The following EFHD2 variants were observed in gnomAD, a reference collection of about 807,000 sequenced individuals.
The protein encoded by EFHD2 is EF-hand domain-containing protein D2.
EFHD2 carries 12 observed loss-of-function variants against 20.3 expected under a neutral mutation model. The ratio of observed to expected loss-of-function variants is 0.59; its 90% confidence interval spans 0.38 to 0.96. The LOEUF is 0.96. EFHD2 is among the 40% of genes least tolerant of loss of function. The pLI is 0.00. For missense variants in EFHD2, 250 were observed against 334.3 expected (o/e 0.75, Z 1.97); for synonymous variants, 131 against 143.9 (o/e 0.91, Z 0.64).
chr1:15,418,468 G>A (rs1490902845), intron 1 of EFHD2, among the ~76,000 whole-genome samples: 2 of 151,030 alleles, frequency 1.3e-5, no homozygotes, highest in Admixed American at 6.6e-5. Context: ...ATCACGCCCG[G>A]CTAATTTTTT....
chr1:15,428,438 A>G (rs1707909234), intron 3 of EFHD2, among the ~76,000 whole-genome samples, 155 bp from the exon 4 acceptor site: 1 of 152,238 alleles, frequency 6.6e-6, no homozygotes, highest in Admixed American at 6.5e-5. Flanking sequence ...CAGAGGTTGC[A>G]GTGAGCCAAG....
intron 1 of EFHD2, among the ~76,000 whole-genome samples, chr1:15,415,530 C>G (rs1258245854): frequency 6.6e-6 from 1 of 151,394 alleles, no homozygotes; most frequent in Non-Finnish European, 1.5e-5. Context: ...GCTCTGCCAC[C>G]AAGGCTGAAG....
In EFHD2 at chr1:15,410,043, C is replaced by T. The variant is rs1241848706; in HGVS notation, c.72C>T (p.Thr24=). The change falls in exon 1 of 4, where the codon ACC becomes ACT. Residue 24 remains threonine (T), a synonymous_variant. Coordinates refer to ENST00000375980, the MANE Select transcript of EFHD2 (RefSeq NM_024329.6). ...LQMEGEGGGE[T]PEQPGLNGAA... is the part of the protein sequence containing the mutation. ...TGGAGGGCGAGGGCGGCGGCGAGAC[C>T]CCGGAGCAGCCCGGGCTGAACGGGG... 1.4e-5 allele frequency: 18 copies of T among 1,301,396 alleles called. No individual in the cohort carries two copies. Among genetic ancestry groups the T allele is most frequent in the Non-Finnish European group, 1.7e-5 (17 of 1,027,880 alleles). 80.6% of individuals were successfully genotyped at this position (1,301,396 alleles called of 1,614,324 possible).
intron 1 of EFHD2, among the ~76,000 whole-genome samples, chr1:15,419,539 G>A (rs138819475): frequency 2.6e-5 from 4 of 152,356 alleles, no homozygotes; most frequent in South Asian, 2.1e-4. Flanking sequence ...GAGGGGCCAG[G>A]GAGGAGAAAA....
intron 1 of EFHD2, among the ~76,000 whole-genome samples, chr1:15,419,582 G>A (rs539352491): frequency 1.3e-5 from 2 of 152,226 alleles, no homozygotes; most frequent in African/African-American, 4.8e-5. Flanking sequence ...CAGTCTGCTG[G>A]CTGTGTGACC....
In EFHD2 at chr1:15,428,995, C is replaced by G. The variant is rs1245253644; in HGVS notation, c.*271C>G. 7 of 436,978 alleles carry G rather than the reference C, an allele frequency of 1.6e-5. No individual in the cohort carries two copies. The highest frequency in any genetic ancestry group is 3.0e-5 in the Non-Finnish European group (7 of 236,102). 27.1% of individuals were successfully genotyped at this position (436,978 alleles called of 1,614,324 possible). A position where few individuals can be genotyped will look rare whatever the true frequency, so the allele number is the denominator to read the frequency against. On this transcript the variant is annotated 3_prime_UTR_variant, in exon 4 of 4. Coordinates refer to ENST00000375980, the MANE Select transcript of EFHD2 (RefSeq NM_024329.6). ...TCCCTGGGCTCTCTTGCACCCCTAACTGCCCCCTGCCTGCTCCGGCACTGC... is the reference window on the plus strand; with the variant it reads ...TCCCTGGGCTCTCTTGCACCCCTAAGTGCCCCCTGCCTGCTCCGGCACTGC...
chr1:15,412,853 G>A (rs535846735), intron 1 of EFHD2, among the ~76,000 whole-genome samples: 1 of 152,300 alleles, frequency 6.6e-6, no homozygotes, highest in Non-Finnish European at 1.5e-5. Flanking sequence ...TACTCTGAGG[G>A]CGACTGAGGG....
At chr1:15,421,731 G>T (rs1038874539) in intron 1 of EFHD2, among the ~76,000 whole-genome samples, 1 of 152,196 alleles carries the variant, frequency 6.6e-6, no homozygotes, top group African/African-American at 2.4e-5. Context: ...TAAAGCTGGG[G>T]CTCAGGGAGA....
intron 1 of EFHD2, among the ~76,000 whole-genome samples, chr1:15,412,972 G>A (rs1290710809): frequency 6.6e-6 from 1 of 152,168 alleles, no homozygotes; most frequent in African/African-American, 2.4e-5. Context: ...AGGGAAGCAA[G>A]TGCTGCCTGC....
intron 1 of EFHD2, among the ~76,000 whole-genome samples, chr1:15,418,931 A>T (rs1209712978): frequency 6.6e-6 from 1 of 152,256 alleles, no homozygotes; most frequent in Non-Finnish European, 1.5e-5. Flanking sequence ...GTTCATGTTC[A>T]TGCCGCTTCA....
Position 15,426,524 on chromosome 1 carries a change from G to C in EFHD2, c.456+506G>C, listed in dbSNP as rs1231657202. The stretch of plus-strand genomic sequence containing the variant: ...CAGACAGCGATGATACTGGACCCCA[G>C]GAAGTACAGGGATGGACCCCAGGAA... On this transcript the variant is annotated intron_variant, in intron 2 of 3. Transcript: ENST00000375980. This position sits in a 1 kb window ranked among gnomAD's most constrained non-coding sequence, Gnocchi z 4.6. Among the ~76,000 whole-genome samples the C allele has an allele frequency of 6.6e-6, 1 of 152,116 alleles. No homozygotes were observed. The highest frequency in any genetic ancestry group is 1.5e-5 in the Non-Finnish European group (1 of 68,022).
At chr1:15,411,911 C>G (rs1707531791) in intron 1 of EFHD2, among the ~76,000 whole-genome samples, 1 of 152,188 alleles carries the variant, frequency 6.6e-6, no homozygotes. Flanking sequence ...CTCACCACAG[C>G]TTGCAGCAGC....
chr1:15,428,543 C>T (rs777314775), intron 3 of EFHD2, 50 bp from the exon 4 acceptor site: 16 of 1,583,084 alleles, frequency 1.0e-5, no homozygotes, highest in African/African-American at 6.8e-5. Context: ...ACAGAGAACC[C>T]CCAACATACA....
intron 1 of EFHD2, among the ~76,000 whole-genome samples, chr1:15,424,133 A>G (rs1707835715): frequency 6.6e-6 from 1 of 151,802 alleles, no homozygotes. Context: ...TAGAGGCTGC[A>G]GTAAGCTGTG....
At chr1:15,422,380 C>T (rs1045854616) in intron 1 of EFHD2, among the ~76,000 whole-genome samples, 2 of 151,948 alleles carry the variant, frequency 1.3e-5, no homozygotes, top group African/African-American at 2.4e-5. Context: ...CGTGAGCCAC[C>T]GTGCCCAGCT....
chr1:15,426,091 A>AC lies in EFHD2; in HGVS notation c.456+78dup. The AC allele has an allele frequency of 7.0e-7, 1 of 1,427,764 alleles. No individual in the cohort carries two copies. The highest frequency in any genetic ancestry group is 9.3e-7 in the Non-Finnish European group (1 of 1,075,848). 88.4% of individuals were successfully genotyped at this position (1,427,764 alleles called of 1,614,324 possible). On this transcript the variant is annotated intron_variant, in intron 2 of 3. Coordinates refer to ENST00000375980, the MANE Select transcript of EFHD2 (RefSeq NM_024329.6). The surrounding 1 kb of genome is among the most constrained non-coding windows in gnomAD (Gnocchi z 4.6). ...GGACCTGGTGGCCCGGGAGAGACCAACCCCCACCCTTTGTCAATGAATGAA... is the reference window on the plus strand; with the variant it reads ...GGACCTGGTGGCCCGGGAGAGACCAACCCCCCACCCTTTGTCAATGAATGAA...
intron 1 of EFHD2, among the ~76,000 whole-genome samples, chr1:15,411,728 A>G (rs1570759049): frequency 6.6e-6 from 1 of 152,178 alleles, no homozygotes; most frequent in Non-Finnish European, 1.5e-5. Flanking sequence ...CAGGCAGCCC[A>G]GGGCTGAGGG....
intron 1 of EFHD2, 106 bp from the exon 2 acceptor site, chr1:15,425,765 A>G: frequency 1.4e-6 from 2 of 1,468,812 alleles, no homozygotes; most frequent in Non-Finnish European, 9.1e-7. Flanking sequence ...ACGGGATTTT[A>G]TGGTTGGTAG....
intron 1 of EFHD2, among the ~76,000 whole-genome samples, chr1:15,423,113 C>G (rs1034279213): frequency 6.6e-6 from 1 of 152,190 alleles, no homozygotes; most frequent in African/African-American, 2.4e-5. Flanking sequence ...AGGCAGCAAA[C>G]AGGGACCAGA....
Sources: allele counts gnomAD v4.1 joint callset (sites outside exome capture counted in the v4.1 genomes callset), GRCh38; gene constraint gnomAD v4.1.1; non-coding constraint Gnocchi (gnomAD v3.1); transcripts MANE v1.5; gene names NCBI Gene and HGNC (gene_info 2026-07-23, HGNC 2026-07-21).